SNAP47: variants seen among roughly 807,000 people sequenced by gnomAD.
The protein encoded by SNAP47 is synaptosomal-associated protein 47.
A neutral mutation model predicts 31.4 loss-of-function variants in SNAP47; 20 were observed. That is an observed-to-expected ratio of 0.64 (90% CI 0.45 to 0.93). The LOEUF (loss-of-function observed/expected upper bound fraction) is 0.93, where lower values mean the gene tolerates loss of function less well. SNAP47 is among the 40% of genes least tolerant of loss of function. The probability of loss-of-function intolerance (pLI) is 0.00; values close to 1 mark genes in which losing one functional copy is unlikely to be tolerated. For missense variants in SNAP47, 492 were observed against 528.5 expected (o/e 0.93, Z 0.68); for synonymous variants, 194 against 213.4 (o/e 0.91, Z 0.79).
intron 1 of SNAP47, among the ~76,000 whole-genome samples, chr1:227,739,280 C>T (rs1057085847): frequency 2.0e-5 from 3 of 152,340 alleles, no homozygotes; most frequent in Non-Finnish European, 4.4e-5. Flanking sequence ...CCACCTCAGC[C>T]TCCCAGAGTG....
upstream of SNAP47, chr1:227,735,377 C>G: frequency 6.3e-7 from 1 of 1,588,988 alleles, no homozygotes; most frequent in Non-Finnish European, 8.5e-7. Context: ...GCGTTTCTGC[C>G]CCGCCAGCGC....
chr1:227,766,039 C>T (rs188363610), intron 3 of SNAP47, among the ~76,000 whole-genome samples: 1 of 152,304 alleles, frequency 6.6e-6, no homozygotes, highest in Admixed American at 6.5e-5. Context: ...CAGGTATCCC[C>T]CCTTTCCTCT....
At chr1:227,732,927 ACCT>A (rs758434795), upstream of SNAP47, 7 of 1,612,774 alleles carry the variant, frequency 4.3e-6, no homozygotes, top group East Asian at 2.2e-5. Context: ...CCACTCGCTG[ACCT>A]CCTCCTGCAC....
intron 4 of SNAP47, among the ~76,000 whole-genome samples, chr1:227,779,962 G>A (rs767406630): frequency 1.6e-4 from 25 of 152,160 alleles, no homozygotes; most frequent in Non-Finnish European, 3.4e-4. Context: ...GCCCTCCACC[G>A]TATGGAGAGT....
Position 227,759,336 on chromosome 1 carries a change from A to G in SNAP47, c.839A>G (p.Tyr280Cys), listed in dbSNP as rs746013536. The change falls in exon 3 of 5, where the codon TAT (tyrosine) becomes TGT (cysteine). Residue 280 changes from tyrosine to cysteine, a missense_variant. Coordinates refer to ENST00000617596, the MANE Select transcript of SNAP47 (RefSeq NM_053052.4). ...TTTATTGGAAAGCCAGACATGGCCTATCGTTTGATATCTGCCAAGATGCCA... is the reference window on the plus strand; with the variant it reads ...TTTATTGGAAAGCCAGACATGGCCTGTCGTTTGATATCTGCCAAGATGCCA... The part of the protein sequence containing the change: ...QRFIGKPDMA[Y>C]RLISAKMPEV... 3.7e-6 allele frequency: 6 copies of G among 1,614,256 alleles called. No homozygotes were observed. Among genetic ancestry groups the G allele is most frequent in the South Asian group, 3.3e-5 (3 of 91,086 alleles).
chr1:227,756,664 G>A (rs1263836514), intron 2 of SNAP47, among the ~76,000 whole-genome samples: 1 of 152,258 alleles, frequency 6.6e-6, no homozygotes, highest in Non-Finnish European at 1.5e-5. Flanking sequence ...GTCTGAAATG[G>A]GGTAGATCTT....
At chr1:227,749,865 G>T (rs966714310) in intron 2 of SNAP47, among the ~76,000 whole-genome samples, 2 of 149,120 alleles carry the variant, frequency 1.3e-5, no homozygotes, top group Non-Finnish European at 3.0e-5. Context: ...CATAGCTCAG[G>T]TTTTTACATG....
intron 1 of SNAP47, 38 bp from the exon 2 acceptor site, chr1:227,747,654 T>C (rs2236360): frequency 0.6 from 923,034 of 1,542,224 alleles, 281,863 homozygotes; most frequent in African/African-American, 0.9. Context: ...CTCCAGTCCA[T>C]GGGTGACGGC....
At chr1:227,746,017 A>G (rs1335356259) in intron 1 of SNAP47, 1 of 152,264 alleles carries the variant, frequency 6.6e-6, no homozygotes, top group Non-Finnish European at 1.5e-5. Context: ...GCTGGGACCA[A>G]ATCTGTCCAG....
intron 4 of SNAP47, among the ~76,000 whole-genome samples, chr1:227,772,474 T>C (rs908159313): frequency 6.6e-6 from 1 of 151,862 alleles, no homozygotes; most frequent in Non-Finnish European, 1.5e-5. Flanking sequence ...TCAGGGCCCA[T>C]GCACTGAAAA....
chr1:227,732,964 A>G (rs41270159), upstream of SNAP47: 55,299 of 1,613,344 alleles, frequency 0.034, 1,132 homozygotes, highest in Middle Eastern at 0.064. Flanking sequence ...TGCTGCAAGA[A>G]GCGCCACATG....
chr1:227,770,220 A>G (rs1663707429), intron 4 of SNAP47, among the ~76,000 whole-genome samples: 1 of 152,236 alleles, frequency 6.6e-6, no homozygotes, highest in Non-Finnish European at 1.5e-5. Flanking sequence ...ACATGGTAAC[A>G]GGAAAGCCAT....
At chr1:227,772,521 T>C (rs948156481) in intron 4 of SNAP47, among the ~76,000 whole-genome samples, 4 of 152,152 alleles carry the variant, frequency 2.6e-5, no homozygotes, top group Non-Finnish European at 5.9e-5. Flanking sequence ...GTTTCCTCCT[T>C]TGGGCTGCTA....
At chr1:227,768,020 T>A (rs1175938271) in intron 4 of SNAP47, among the ~76,000 whole-genome samples, 1 of 152,270 alleles carries the variant, frequency 6.6e-6, no homozygotes, top group African/African-American at 2.4e-5. Flanking sequence ...TCAGTCATCA[T>A]ATCACTTCAT....
intron 1 of SNAP47, among the ~76,000 whole-genome samples, chr1:227,735,937 A>AGTGGGGACCTGGAGAGGACG (rs1386320208): frequency 6.5e-5 from 7 of 107,166 alleles, no homozygotes; most frequent in African/African-American, 2.3e-4. Flanking sequence ...GGATGGGTAC[A>AGTGGGGACCTGGAGAGGACG]GTGGGGACCT....
At chr1:227,737,075 C>T (rs1661260132) in intron 1 of SNAP47, among the ~76,000 whole-genome samples, 1 of 152,148 alleles carries the variant, frequency 6.6e-6, no homozygotes, top group African/African-American at 2.4e-5. Flanking sequence ...GTGGGGAAAA[C>T]CTGTGGTTGG....
rs1411310189 is a variant in SNAP47, at chr1:227,781,037, A to C, written c.*364A>C. 9.2e-6 allele frequency: 2 copies of C among 216,768 alleles called. No individual in the cohort carries two copies. The highest frequency in any genetic ancestry group is 4.6e-5 in the African/African-American group (2 of 43,574). The allele number at this position is 216,768 out of a possible 1,614,324, so 13.4% of individuals were successfully genotyped here. A position where few individuals can be genotyped will look rare whatever the true frequency, so the allele number is the denominator to read the frequency against. On this transcript the variant is annotated 3_prime_UTR_variant, in exon 5 of 5. Transcript: ENST00000617596. ...TTCTTAGCTGTACTATAAATTTGTGAGTGAAGTTAGAGCCCAGCTCACTTA... is the reference window on the plus strand; with the variant it reads ...TTCTTAGCTGTACTATAAATTTGTGCGTGAAGTTAGAGCCCAGCTCACTTA...
In SNAP47 at chr1:227,753,119, G is replaced by C. The variant is rs145780500; in HGVS notation, c.497+4886G>C. Among the ~76,000 whole-genome samples, 25 of 152,346 alleles carry C rather than the reference G, an allele frequency of 1.6e-4. No homozygotes were observed. The East Asian group carries it at 4.2e-3, about 26-fold the overall frequency. On this transcript the variant is annotated intron_variant, in intron 2 of 4. Coordinates refer to ENST00000617596, the MANE Select transcript of SNAP47 (RefSeq NM_053052.4). ...CAAGCTTTTCTCTAACTTGGAGTCA[G>C]TACTGTTCCATTTTCTCAATCCATC... is the stretch of plus-strand genomic sequence containing the variant.
chr1:227,747,946 C>T lies in SNAP47; in HGVS notation c.210C>T (p.Ile70=). 6.2e-7 allele frequency: 1 copy of T among 1,614,240 alleles called. No individual in the cohort carries two copies. Among genetic ancestry groups the T allele is most frequent in the Non-Finnish European group, 8.5e-7 (1 of 1,180,056 alleles). The part of the protein sequence containing the change: ...ASHFIFSSIT[I]LEKGHAKHWF... ...ATTTTATCTTCAGCTCCATCACCAT[C>T]CTGGAGAAGGGCCATGCCAAGCACT... The change falls in exon 2 of 5, where the codon ATC becomes ATT. Residue 70 remains isoleucine (I), a synonymous_variant. Coordinates refer to ENST00000617596, the MANE Select transcript of SNAP47 (RefSeq NM_053052.4).
Sources: allele counts gnomAD v4.1 joint callset (sites outside exome capture counted in the v4.1 genomes callset), GRCh38; gene constraint gnomAD v4.1.1; transcripts MANE v1.5; gene names NCBI Gene and HGNC (gene_info 2026-07-23, HGNC 2026-07-21).